The following RTEL1 variants were observed in gnomAD, a reference collection of about 807,000 sequenced individuals.
RTEL1 encodes regulator of telomere elongation helicase 1, also known as regulator of telomere length.
RTEL1 carries 86 observed loss-of-function variants against 162.2 expected under a neutral mutation model. The observed-to-expected ratio is 0.53, with a 90% CI of 0.45 to 0.63. The LOEUF (loss-of-function observed/expected upper bound fraction) is 0.63. RTEL1 is among the 30% of genes least tolerant of loss of function. The pLI, the probability that RTEL1 is intolerant of heterozygous loss-of-function variation, is 0.00. For missense variants in RTEL1, 1,941 were observed against 1,750.2 expected (o/e 1.11, Z -1.95); for synonymous variants, 958 against 717.9 (o/e 1.33, Z -5.35).
chr20:63,659,591 G>T (rs2089976948), intron 2 of RTEL1, 87 bp downstream of exon 2: 2 of 1,017,998 alleles, frequency 2.0e-6, no homozygotes, highest in Admixed American at 1.8e-5. Context: ...GCCCATTCCA[G>T]CCAGGCCCCT....
chr20:63,661,788 C>G lies in RTEL1; in HGVS notation c.302-62C>G. ...GCCGAGTTAGCCGAATGCCACCTGC[C>G]TTTGATACGTGAGAACGTTGTCTGA... On this transcript the variant is annotated intron_variant, in intron 3 of 34. Coordinates refer to ENST00000360203, the MANE Select transcript of RTEL1 (RefSeq NM_001283009.2). The surrounding 1 kb of genome is among the most constrained non-coding windows in gnomAD (Gnocchi z 5.1). The G allele has an allele frequency of 6.9e-7, 1 of 1,447,424 alleles. No homozygotes were observed. The highest frequency in any genetic ancestry group is 9.7e-7 in the Non-Finnish European group (1 of 1,028,456). 89.7% of individuals were successfully genotyped at this position (1,447,424 alleles called of 1,614,324 possible). A position where few individuals can be genotyped will look rare whatever the true frequency, so the allele number is the denominator to read the frequency against.
chr20:63,670,433 A>G (rs552268091), intron 8 of RTEL1, among the ~76,000 whole-genome samples: 1 of 150,864 alleles, frequency 6.6e-6, no homozygotes, highest in East Asian at 1.9e-4. Flanking sequence ...GCATCCGGAC[A>G]GACGTTTCAC....
chr20:63,690,754 C>T (rs1378759309), intron 26 of RTEL1, 51 bp from the exon 27 acceptor site: 5 of 1,544,222 alleles, frequency 3.2e-6, no homozygotes, highest in Non-Finnish European at 3.5e-6. Context: ...AGGCAGGGAC[C>T]CCAGCTGGGG....
At chr20:63,682,165 C>T (rs1429715470) in intron 14 of RTEL1, 4 of 985,332 alleles carry the variant, frequency 4.1e-6, no homozygotes, top group Non-Finnish European at 4.8e-6. Context: ...GGAACTGAAT[C>T]CTAGAATGTG....
intron 26 of RTEL1, 133 bp downstream of exon 26, chr20:63,690,574 G>A: frequency 2.4e-6 from 3 of 1,258,222 alleles, no homozygotes; most frequent in African/African-American, 3.0e-5. Context: ...TCCAAAGGCT[G>A]CCTCTCCCTC....
chr20:63,674,694 T>C (rs1007845256), intron 10 of RTEL1, among the ~76,000 whole-genome samples: 5 of 147,864 alleles, frequency 3.4e-5, no homozygotes, highest in African/African-American at 1.2e-4. Flanking sequence ...AGTGAGGCCA[T>C]CTCAAAAAAA....
rs978663730 is a variant in RTEL1, at chr20:63,668,358, C to T, written c.699+805C>T. ...GTATATTTATTGAGAGCTCATCATG[C>T]TGGGTGCTATTCCAGGCATAGCAAG... On this transcript the variant is annotated intron_variant, in intron 8 of 34. Coordinates refer to ENST00000360203, the MANE Select transcript of RTEL1 (RefSeq NM_001283009.2). The surrounding 1 kb of genome is among the most constrained non-coding windows in gnomAD (Gnocchi z 4.3). 5.9e-5 allele frequency among the ~76,000 whole-genome samples: 9 copies of T among 152,212 alleles called. No homozygotes were observed. The highest frequency in any genetic ancestry group is 1.2e-4 in the Non-Finnish European group (8 of 68,050).
At chr20:63,693,882 C>T (rs1390659128) in intron 30 of RTEL1, among the ~76,000 whole-genome samples, 3 of 150,204 alleles carry the variant, frequency 2.0e-5, no homozygotes, top group Non-Finnish European at 4.4e-5. Flanking sequence ...TCCCCTGCCT[C>T]CCATGCATGG....
intron 6 of RTEL1, among the ~76,000 whole-genome samples, chr20:63,663,871 C>G (rs1339599614): frequency 3.3e-5 from 5 of 152,198 alleles, no homozygotes; most frequent in African/African-American, 4.8e-5. Context: ...CGGCGCTCCC[C>G]TGGCAGAGAC....
Position 63,668,932 on chromosome 20 carries a change from G to A in RTEL1, c.699+1379G>A, listed in dbSNP as rs980647591. On this transcript the variant is annotated intron_variant, in intron 8 of 34. Transcript: ENST00000360203. This position sits in a 1 kb window ranked among gnomAD's most constrained non-coding sequence, Gnocchi z 4.3. ...GTGGAGATGGCCCAGCTCAGGCACA[G>A]GCCTGCAGGCCATGGAGAAGGCAGC... 6.6e-6 allele frequency among the ~76,000 whole-genome samples: 1 copy of A among 152,220 alleles called. No individual in the cohort carries two copies. The highest frequency in any genetic ancestry group is 1.5e-5 in the Non-Finnish European group (1 of 68,038).
chr20:63,675,820 G>A (rs920754607), intron 10 of RTEL1, among the ~76,000 whole-genome samples: 2 of 152,202 alleles, frequency 1.3e-5, no homozygotes, highest in Non-Finnish European at 2.9e-5. Context: ...TTCGCTTGGC[G>A]CAGGGTGGGG....
chr20:63,693,410 A>G (rs2090819554), intron 30 of RTEL1, 127 bp downstream of exon 30: 6 of 1,131,332 alleles, frequency 5.3e-6, no homozygotes, highest in Non-Finnish European at 6.3e-6. Context: ...CCCCTATGGG[A>G]GTGATGGGGG....
At chr20:63,687,832 AGTG>A in intron 17 of RTEL1, 62 bp downstream of exon 17, 2 of 1,557,018 alleles carry the variant, frequency 1.3e-6, no homozygotes, top group Non-Finnish European at 1.7e-6. Flanking sequence ...GCGGGGTGGA[AGTG>A]GTGGGGGTCC....
chr20:63,659,580 G>A (rs894047302), intron 2 of RTEL1, 76 bp downstream of exon 2: 4 of 1,144,402 alleles, frequency 3.5e-6, no homozygotes, highest in Non-Finnish European at 4.0e-6. Flanking sequence ...TCCCTCTCCC[G>A]GCCCATTCCA....
In RTEL1 at chr20:63,695,361, A is replaced by G; in HGVS notation, c.3533A>G (p.Gln1178Arg). 1 of 1,549,154 alleles carries G rather than the reference A, an allele frequency of 6.5e-7. No homozygotes were observed. Among genetic ancestry groups the G allele is most frequent in the African/African-American group, 1.4e-5 (1 of 73,204 alleles). ...CGGTCCGAGAAGACCGGGAAGACCC[A>G]GAGCAAGATCTCGTCCTTCCTTAGA... is the stretch of plus-strand genomic sequence containing the variant. ...PSRSEKTGKT[Q>R]SKISSFLRQR... The change falls in exon 34 of 35, where the codon CAG becomes CGG. Residue 1178 changes from glutamine (Q) to arginine (R), a missense_variant. Gln to Arg is a conservative substitution (Grantham distance 43). Transcript: ENST00000360203.
intron 1 of RTEL1, 109 bp from the exon 2 acceptor site, chr20:63,659,124 A>G: frequency 2.3e-6 from 1 of 434,662 alleles, no homozygotes; most frequent in Admixed American, 3.4e-5. Context: ...GGGATATACC[A>G]GGGTTGCTCT....
chr20:63,689,156 C>A (rs2090665377), intron 22 of RTEL1, 24 bp downstream of exon 22: 1 of 1,603,040 alleles, frequency 6.2e-7, no homozygotes, highest in Non-Finnish European at 8.5e-7. Context: ...GGCCCTCTGC[C>A]CTGACCTGGT....
rs1384685676 is a variant in RTEL1 at position 63,693,469 on chromosome 20, C to CCAG, written c.2992+188_2992+189insGCA. On this transcript the variant is annotated intron_variant, in intron 30 of 34. Coordinates refer to ENST00000360203, the MANE Select transcript of RTEL1 (RefSeq NM_001283009.2). ...AGCAGCACCACCTCCACCTCCACCT[C>CCAG]CACCTCCACCTCCACCACCACCTCC... Among the ~76,000 whole-genome samples the CCAG allele has an allele frequency of 6.8e-4, 21 of 30,970 alleles. 7 individuals are homozygous for CCAG. Among genetic ancestry groups the CCAG allele is most frequent in the African/African-American group, 2.3e-3 (21 of 9,058 alleles). 20.3% of individuals were successfully genotyped at this position (30,970 alleles called of 152,430 possible).
In RTEL1 at chr20:63,687,615, C is replaced by T. The variant is rs374832186; in HGVS notation, c.1349-23C>T. On this transcript the variant is annotated intron_variant, in intron 16 of 34. Coordinates refer to ENST00000360203, the MANE Select transcript of RTEL1 (RefSeq NM_001283009.2). ...CAGTCCCGTCCTCACACTCTGTGCCCTCTGCCGCCCCCCGCCCCACAGGGA... is the reference window on the plus strand; with the variant it reads ...CAGTCCCGTCCTCACACTCTGTGCCTTCTGCCGCCCCCCGCCCCACAGGGA... 3 of 1,587,408 alleles carry T rather than the reference C, an allele frequency of 1.9e-6. No individual in the cohort carries two copies. The African/African-American group carries it at 4.0e-5, about 21-fold the overall frequency.
Sources: gnomAD v4.1 joint callset for allele counts (sites outside exome capture counted in the v4.1 genomes callset) on GRCh38, gnomAD v4.1.1 for gene constraint, Gnocchi (gnomAD v3.1) non-coding constraint, MANE v1.5 for transcripts, NCBI Gene and HGNC (gene_info 2026-07-23, HGNC 2026-07-21) for gene names.